CACNA1A: variants seen among roughly 807,000 people sequenced by gnomAD.
CACNA1A encodes calcium voltage-gated channel subunit alpha1 A, also known as voltage-dependent P/Q-type calcium channel subunit alpha-1A.
Under a neutral mutation model 262.4 loss-of-function variants are expected in CACNA1A, and 57 were observed. The observed-to-expected ratio is 0.22, with a 90% CI of 0.18 to 0.27. The LOEUF (loss-of-function observed/expected upper bound fraction) is 0.27, where lower values mean the gene tolerates loss of function less well. CACNA1A is among the 10% of genes least tolerant of loss of function. The pLI is 1.00. For missense variants in CACNA1A, 2,526 were observed against 3,562.8 expected, an observed-to-expected ratio of 0.71 and a Z score of 7.41; for synonymous variants, 1,431 against 1,419.3, an observed-to-expected ratio of 1.01 and a Z score of -0.18.
chr19:13,406,969 G>C (rs1310755164), intron 3 of CACNA1A, among the ~76,000 whole-genome samples: 1 of 151,754 alleles, frequency 6.6e-6, no homozygotes, highest in Non-Finnish European at 1.5e-5. Context: ...ATGCACACAT[G>C]TATGCATGTG....
At chr19:13,317,362 C>T (rs1316346231) in intron 10 of CACNA1A, 41 bp from the exon 11 acceptor site, 1 of 1,521,278 alleles carries the variant, frequency 6.6e-7, no homozygotes, top group Non-Finnish European at 9.0e-7. Context: ...TCAGGCTGTT[C>T]CTTCAGAAGA....
chr19:13,246,374 T>C (rs952299050), intron 30 of CACNA1A, among the ~76,000 whole-genome samples: 1 of 152,154 alleles, frequency 6.6e-6, no homozygotes, highest in South Asian at 2.1e-4. Flanking sequence ...CTGGTCAGTG[T>C]TGGACTCTCT....
At position 13,497,546 on chromosome 19, in the gene CACNA1A, AT is replaced by A. The variant is rs1164321700; in HGVS notation, c.293+8385del. 1.1e-4 allele frequency among the ~76,000 whole-genome samples: 5 copies of A among 44,012 alleles called. 1 individual carries two copies. The highest frequency in any genetic ancestry group is 4.0e-4 in the African/African-American group (4 of 10,066). The allele number at this position is 44,012 out of a possible 152,430, so 28.9% of individuals were successfully genotyped here. On this transcript the variant is annotated intron_variant, in intron 1 of 46. Coordinates refer to ENST00000360228, the MANE Select transcript of CACNA1A (RefSeq NM_001127222.2). The stretch of plus-strand genomic sequence containing the variant: ...AATATATATATATATATATATATAT[AT>A]ATATATATATATATATATATATATA...
chr19:13,465,339 C>T (rs1019304836), intron 1 of CACNA1A, among the ~76,000 whole-genome samples: 2 of 152,328 alleles, frequency 1.3e-5, no homozygotes, highest in South Asian at 4.1e-4. Flanking sequence ...GCAGTGCATG[C>T]ATATGTGTGG....
At chr19:13,344,468 T>C (rs2058728074) in intron 6 of CACNA1A, among the ~76,000 whole-genome samples, 1 of 152,176 alleles carries the variant, frequency 6.6e-6, no homozygotes, top group Non-Finnish European at 1.5e-5. Context: ...AGAAGCCTTC[T>C]TGGACCTCTC....
intron 3 of CACNA1A, among the ~76,000 whole-genome samples, chr19:13,423,929 C>T (rs556527029): frequency 6.6e-5 from 10 of 152,250 alleles, no homozygotes; most frequent in African/African-American, 1.9e-4. Flanking sequence ...TAAAACATCA[C>T]CCAAGGCAAC....
intron 6 of CACNA1A, among the ~76,000 whole-genome samples, chr19:13,342,822 G>A (rs1307766308): frequency 6.6e-6 from 1 of 152,210 alleles, no homozygotes; most frequent in Non-Finnish European, 1.5e-5. Flanking sequence ...TGGACATGTA[G>A]CATGAGCAGG....
intron 38 of CACNA1A, among the ~76,000 whole-genome samples, chr19:13,224,208 C>T (rs895981266): frequency 6.6e-6 from 1 of 151,910 alleles, no homozygotes; most frequent in Admixed American, 6.6e-5. Context: ...CCTATAATCC[C>T]AGCTACTTGG....
chr19:13,255,727 C>T (rs1383345884), intron 28 of CACNA1A, among the ~76,000 whole-genome samples: 1 of 104,196 alleles, frequency 9.6e-6, no homozygotes, highest in Non-Finnish European at 2.0e-5. Flanking sequence ...CTCCTTCTCT[C>T]CCTCCCTCCT....
intron 3 of CACNA1A, among the ~76,000 whole-genome samples, chr19:13,440,813 G>GTGTTT (rs1412126610): frequency 6.6e-6 from 1 of 152,126 alleles, no homozygotes; most frequent in Non-Finnish European, 1.5e-5. Context: ...TTGTTGTTTT[G>GTGTTT]TGTTTTGTTT....
chr19:13,251,299 T>C (rs930492675), intron 30 of CACNA1A, among the ~76,000 whole-genome samples: 12 of 152,032 alleles, frequency 7.9e-5, no homozygotes, highest in South Asian at 4.2e-4. Flanking sequence ...CTGGCCAACA[T>C]GGTGAAACCC....
chr19:13,449,063 C>T (rs1284796856), intron 3 of CACNA1A, among the ~76,000 whole-genome samples: 1 of 151,820 alleles, frequency 6.6e-6, no homozygotes, highest in Non-Finnish European at 1.5e-5. Context: ...ACCTCCTGGG[C>T]TCACGTGATC....
intron 3 of CACNA1A, among the ~76,000 whole-genome samples, chr19:13,375,992 A>G (rs1013554532): frequency 3.3e-5 from 5 of 152,220 alleles, no homozygotes; most frequent in African/African-American, 1.2e-4. Context: ...CATTCCCTTA[A>G]GCCAAAGCCT....
chr19:13,449,338 C>T (rs1480769774), intron 3 of CACNA1A, among the ~76,000 whole-genome samples: 1 of 152,122 alleles, frequency 6.6e-6, no homozygotes, highest in Non-Finnish European at 1.5e-5. Flanking sequence ...CAGGGTCTTG[C>T]TCTGTTGCCC....
intron 4 of CACNA1A, among the ~76,000 whole-genome samples, chr19:13,368,373 C>T (rs2059255317): frequency 6.6e-6 from 1 of 150,880 alleles, no homozygotes; most frequent in African/African-American, 2.4e-5. Context: ...TGCTCTGTCA[C>T]CCAGGCTGGA....
At chr19:13,323,502 C>A (rs963089446) in intron 10 of CACNA1A, among the ~76,000 whole-genome samples, 4 of 152,036 alleles carry the variant, frequency 2.6e-5, no homozygotes, top group Non-Finnish European at 4.4e-5. Context: ...CCTTCTGTCG[C>A]CCAGGGTGGA....
chr19:13,218,599 A>G (rs1817224774), intron 38 of CACNA1A, among the ~76,000 whole-genome samples: 1 of 151,142 alleles, frequency 6.6e-6, no homozygotes, highest in African/African-American at 2.4e-5. Flanking sequence ...TGTTTGTTTG[A>G]GACAGAGTCT....
chr19:13,489,381 C>T lies in CACNA1A; in HGVS notation c.293+16551G>A, dbSNP rs540183062. Reference sequence around the variant, plus strand: ...ACCTTATTTGGCAGCATAGGTCTCCCGGGCTCAAGAGATCCTCCTACCTCA... The same window carrying T: ...ACCTTATTTGGCAGCATAGGTCTCCTGGGCTCAAGAGATCCTCCTACCTCA... On this transcript the variant is annotated intron_variant, in intron 1 of 46. Coordinates refer to ENST00000360228, the MANE Select transcript of CACNA1A (RefSeq NM_001127222.2). Among the ~76,000 whole-genome samples, 41 of 152,114 alleles carry T rather than the reference C, an allele frequency of 2.7e-4. No homozygotes were observed. In the South Asian group the frequency reaches 7.7e-3, roughly 28 times the overall value.
At chr19:13,417,144 C>T (rs1306455805) in intron 3 of CACNA1A, among the ~76,000 whole-genome samples, 1 of 152,158 alleles carries the variant, frequency 6.6e-6, no homozygotes, top group Admixed American at 6.5e-5. Flanking sequence ...GAGGTGGCAG[C>T]CACTCGTCCA....
Sources: allele counts gnomAD v4.1 joint callset (sites outside exome capture counted in the v4.1 genomes callset), GRCh38; gene constraint gnomAD v4.1.1; transcripts MANE v1.5; gene names NCBI Gene and HGNC (gene_info 2026-07-23, HGNC 2026-07-21).